NRG3: variants seen among roughly 807,000 people sequenced by gnomAD.
NRG3 encodes pro-neuregulin-3, membrane-bound isoform.
Under a neutral mutation model 66.9 loss-of-function variants are expected in NRG3, and 31 were observed. The observed-to-expected ratio is 0.46, with a 90% CI of 0.35 to 0.63. The LOEUF is 0.63. NRG3 is among the 20% of genes least tolerant of loss of function. NRG3 has a pLI of 0.00. For missense variants in NRG3, 910 were observed against 878.9 expected (o/e 1.04, Z -0.45); for synonymous variants, 393 against 359.4 (o/e 1.09, Z -1.06).
At chr10:82,471,997 G>A (rs1441858044) in intron 2 of NRG3, among the ~76,000 whole-genome samples, 2 of 151,914 alleles carry the variant, frequency 1.3e-5, no homozygotes, top group Non-Finnish European at 2.9e-5. Flanking sequence ...CTGTGTATGA[G>A]CCAAGTAGGA....
intron 2 of NRG3, among the ~76,000 whole-genome samples, chr10:82,426,984 T>A (rs1338278513): frequency 2.0e-5 from 3 of 152,112 alleles, no homozygotes; most frequent in Admixed American, 6.6e-5. Flanking sequence ...TTTCAGATTG[T>A]TCATTGCTAG....
At chr10:82,020,390 A>T (rs2062005889) in intron 1 of NRG3, among the ~76,000 whole-genome samples, 1 of 152,110 alleles carries the variant, frequency 6.6e-6, no homozygotes, top group South Asian at 2.1e-4. Context: ...CACTAGGTAT[A>T]AGGAACTGTC....
At chr10:82,975,618 G>A (rs1258751174) in intron 7 of NRG3, among the ~76,000 whole-genome samples, 1 of 152,258 alleles carries the variant, frequency 6.6e-6, no homozygotes, top group East Asian at 1.9e-4. Context: ...TTAGAACTTT[G>A]TAAATTATAG....
intron 4 of NRG3, among the ~76,000 whole-genome samples, chr10:82,941,013 G>A (rs1408684575): frequency 1.3e-5 from 2 of 152,070 alleles, no homozygotes; most frequent in African/African-American, 4.8e-5. Flanking sequence ...GTTTCAAGTA[G>A]AAAAAGGGAA....
At chr10:82,229,251 A>G (rs1316115525) in intron 1 of NRG3, 2 of 152,226 alleles carry the variant, frequency 1.3e-5, no homozygotes, top group Non-Finnish European at 2.9e-5. Flanking sequence ...AAAGCAGAAT[A>G]GAAAGCAGTT....
intron 1 of NRG3, among the ~76,000 whole-genome samples, chr10:82,264,515 A>T (rs1272668966): frequency 6.6e-6 from 1 of 152,128 alleles, no homozygotes; most frequent in African/African-American, 2.4e-5. Flanking sequence ...GAGCCAAACC[A>T]TATAATCCTT....
chr10:82,293,255 A>G (rs2079849871), intron 1 of NRG3, among the ~76,000 whole-genome samples: 1 of 152,148 alleles, frequency 6.6e-6, no homozygotes, highest in African/African-American at 2.4e-5. Flanking sequence ...CAGTATAAAT[A>G]CTTGGCAGAC....
At chr10:82,160,563 T>A (rs2071513166) in intron 1 of NRG3, among the ~76,000 whole-genome samples, 2 of 151,860 alleles carry the variant, frequency 1.3e-5, no homozygotes, top group African/African-American at 4.8e-5. Context: ...TAGAGTGCAG[T>A]GGTGCAATGG....
intron 2 of NRG3, among the ~76,000 whole-genome samples, chr10:82,458,831 C>T (rs2091386395): frequency 6.6e-6 from 1 of 152,212 alleles, no homozygotes; most frequent in Non-Finnish European, 1.5e-5. Flanking sequence ...AGTGTACTCA[C>T]AGGCTCACCT....
chr10:82,091,107 C>G (rs1052648840), intron 1 of NRG3, among the ~76,000 whole-genome samples: 1 of 151,490 alleles, frequency 6.6e-6, no homozygotes, highest in Non-Finnish European at 1.5e-5. Context: ...ATTTTTTTCT[C>G]TTTCTTCCAT....
chr10:82,499,599 T>G (rs575258239), intron 2 of NRG3, among the ~76,000 whole-genome samples: 2 of 152,260 alleles, frequency 1.3e-5, no homozygotes, highest in African/African-American at 4.8e-5. Context: ...TGGTCTCAAA[T>G]GGTCTCTAAG....
intron 1 of NRG3, among the ~76,000 whole-genome samples, chr10:81,971,486 A>G (rs188142614): frequency 1.6e-3 from 251 of 152,360 alleles, no homozygotes; most frequent in African/African-American, 5.8e-3. Flanking sequence ...ATCAACTATG[A>G]TGACAGGGAC....
chr10:82,505,355 TCATGTGG>T (rs1167368806), intron 2 of NRG3, among the ~76,000 whole-genome samples: 1 of 152,210 alleles, frequency 6.6e-6, no homozygotes, highest in African/African-American at 2.4e-5. Context: ...ACAGGGGTGG[TCATGTGG>T]CATCCAGAGA....
In NRG3 at chr10:82,813,572, T is replaced by A. The variant is rs150517845; in HGVS notation, c.1028-51839T>A. Among the ~76,000 whole-genome samples the A allele has an allele frequency of 1.4e-4, 22 of 152,318 alleles. No homozygotes were observed. In the East Asian group the frequency reaches 4.2e-3, roughly 29 times the overall value. ...TTATAACATTGTAGTTGCTTCCATA[T>A]GAGACTTCCTCGAGAGCATGGTAAT... On this transcript the variant is annotated intron_variant, in intron 3 of 8. Transcript: ENST00000372141.
chr10:82,215,397 A>G (rs879801007), intron 1 of NRG3, among the ~76,000 whole-genome samples: 1 of 152,192 alleles, frequency 6.6e-6, no homozygotes, highest in Admixed American at 6.5e-5. Flanking sequence ...GAAAGTTTAT[A>G]TGCTAGAGGT....
intron 2 of NRG3, among the ~76,000 whole-genome samples, chr10:82,714,826 G>A (rs553492961): frequency 3.0e-4 from 46 of 152,088 alleles, no homozygotes; most frequent in Non-Finnish European, 5.7e-4. Flanking sequence ...GTGGCACACC[G>A]CCATGACACA....
At chr10:82,416,905 A>T (rs952597254) in intron 2 of NRG3, among the ~76,000 whole-genome samples, 3 of 152,116 alleles carry the variant, frequency 2.0e-5, no homozygotes, top group African/African-American at 7.2e-5. Flanking sequence ...AGGAAATAGT[A>T]CTTAACATGG....
At chr10:82,919,228 G>A (rs1359409797) in intron 4 of NRG3, among the ~76,000 whole-genome samples, 1 of 152,056 alleles carries the variant, frequency 6.6e-6, no homozygotes, top group Non-Finnish European at 1.5e-5. Context: ...TTCTGACCTA[G>A]GTTATATACA....
At chr10:82,386,282 C>T (rs1273664055) in intron 2 of NRG3, among the ~76,000 whole-genome samples, 2 of 152,012 alleles carry the variant, frequency 1.3e-5, no homozygotes, top group Admixed American at 6.6e-5. Flanking sequence ...CTGTATGTAC[C>T]ATTACTTGTA....
Sources: allele counts gnomAD v4.1 joint callset (sites outside exome capture counted in the v4.1 genomes callset), GRCh38; gene constraint gnomAD v4.1.1; transcripts MANE v1.5; gene names NCBI Gene and HGNC (gene_info 2026-07-23, HGNC 2026-07-21).